Variants in CCSER1 observed in about 807,000 individuals in gnomAD.
The protein encoded by CCSER1 is serine-rich coiled-coil domain-containing protein 1.
In CCSER1, 41 loss-of-function variants were observed where a neutral mutation model predicts 82.0. That is an observed-to-expected ratio of 0.50 (90% CI 0.39 to 0.65). The LOEUF is 0.65. CCSER1 is among the 30% of genes least tolerant of loss of function. The probability of loss-of-function intolerance (pLI) is 0.00; values close to 1 mark genes in which losing one functional copy is unlikely to be tolerated. For missense variants in CCSER1, 1,119 were observed against 1,064.2 expected (o/e 1.05, Z -0.72); for synonymous variants, 414 against 383.9 (o/e 1.08, Z -0.92).
intron 10 of CCSER1, among the ~76,000 whole-genome samples, chr4:91,137,001 T>C (rs2148920125): frequency 8.7e-6 from 1 of 114,548 alleles, no homozygotes; most frequent in South Asian, 2.7e-4. Context: ...ATAGAAATGT[T>C]TATAAAAATT....
At chr4:91,173,334 C>G (rs1732960547) in intron 10 of CCSER1, among the ~76,000 whole-genome samples, 1 of 152,106 alleles carries the variant, frequency 6.6e-6, no homozygotes, top group Admixed American at 6.6e-5. Flanking sequence ...GTGGTTCACA[C>G]CGGTAATCCC....
rs890480559 is a variant in CCSER1 at position 90,176,680 on chromosome 4, A to G, written c.-42+48849A>G. The stretch of plus-strand genomic sequence containing the variant: ...TCTGAAGATTCCCAGAACCATTCCA[A>G]GTATTATTGATAGTGTGATAGGTCC... On this transcript the variant is annotated intron_variant, in intron 1 of 10. Transcript: ENST00000509176. 3.9e-5 allele frequency among the ~76,000 whole-genome samples: 6 copies of G among 152,040 alleles called. No individual in the cohort carries two copies. In the East Asian group the frequency reaches 7.7e-4, roughly 20 times the overall value.
intron 6 of CCSER1, among the ~76,000 whole-genome samples, chr4:90,684,156 C>A (rs1023995189): frequency 2.0e-5 from 3 of 152,008 alleles, no homozygotes; most frequent in African/African-American, 7.2e-5. Context: ...CAGTTTTATG[C>A]AATAACAGAT....
At chr4:90,202,399 T>C (rs1219148654) in intron 1 of CCSER1, among the ~76,000 whole-genome samples, 1 of 152,046 alleles carries the variant, frequency 6.6e-6, no homozygotes, top group African/African-American at 2.4e-5. Context: ...GATAGGGTTT[T>C]GCCGTGTTGT....
chr4:90,692,821 T>C (rs1736253326), intron 6 of CCSER1, among the ~76,000 whole-genome samples: 1 of 152,000 alleles, frequency 6.6e-6, no homozygotes, highest in South Asian at 2.1e-4. Flanking sequence ...TAAAAGAGTA[T>C]CAAATTAAAC....
chr4:91,426,239 A>G (rs2149388344), intron 10 of CCSER1, among the ~76,000 whole-genome samples: 1 of 152,324 alleles, frequency 6.6e-6, no homozygotes, highest in Admixed American at 6.5e-5. Context: ...ATGGCTGCAT[A>G]GTATTCCATG....
At chr4:91,082,811 T>G (rs1167531334) in intron 9 of CCSER1, among the ~76,000 whole-genome samples, 1 of 152,054 alleles carries the variant, frequency 6.6e-6, no homozygotes, top group East Asian at 1.9e-4. Context: ...CATGAAAAAA[T>G]GCTCATCATC....
chr4:90,535,888 T>G (rs1459999578), intron 5 of CCSER1, among the ~76,000 whole-genome samples: 2 of 152,134 alleles, frequency 1.3e-5, no homozygotes, highest in Non-Finnish European at 2.9e-5. Flanking sequence ...TTAATCACAT[T>G]AATTACAGTT....
In CCSER1 at chr4:91,598,573, C is replaced by T. The variant is rs754773944; in HGVS notation, c.2219C>T (p.Ala740Val). The change falls in exon 11 of 11, where the codon GCT becomes GTT. Residue 740 changes from alanine to valine, a missense_variant and splice_region_variant. Transcript: ENST00000509176. ...RLETVQGGRE[A>V]TYRNRIVSQN... is the part of the protein sequence containing the mutation. ...TTTTCTTTCTGTGTCTTACCATAGG[C>T]TACATATCGAAATCGAATTGTGAGC... 2.6e-6 allele frequency: 4 copies of T among 1,547,312 alleles called. No homozygotes were observed. In the South Asian group the frequency reaches 4.8e-5, roughly 18 times the overall value.
intron 10 of CCSER1, among the ~76,000 whole-genome samples, chr4:91,419,873 A>C (rs1753593954): frequency 6.6e-6 from 1 of 152,056 alleles, no homozygotes; most frequent in Admixed American, 6.6e-5. Flanking sequence ...ATGGTATAGA[A>C]TAGTGAGCCT....
intron 10 of CCSER1, among the ~76,000 whole-genome samples, chr4:91,426,594 A>G (rs1753995624): frequency 6.6e-6 from 1 of 152,168 alleles, no homozygotes; most frequent in Non-Finnish European, 1.5e-5. Context: ...CAGAATTTTA[A>G]AAAAACTTAG....
intron 8 of CCSER1, among the ~76,000 whole-genome samples, chr4:90,816,815 A>T (rs1759081629): frequency 1.3e-5 from 2 of 152,066 alleles, no homozygotes; most frequent in Non-Finnish European, 1.5e-5. Context: ...ACTTCTGAGG[A>T]CTCCTAACAT....
chr4:91,061,013 A>C (rs533760240), intron 9 of CCSER1, among the ~76,000 whole-genome samples: 1 of 152,086 alleles, frequency 6.6e-6, no homozygotes, highest in Non-Finnish European at 1.5e-5. Flanking sequence ...TAATACCTAC[A>C]TATATTTTTA....
chr4:90,746,068 A>G (rs1360768483), intron 7 of CCSER1, among the ~76,000 whole-genome samples: 3 of 152,072 alleles, frequency 2.0e-5, no homozygotes, highest in Admixed American at 2.0e-4. Flanking sequence ...TTAGTGCCCA[A>G]TTCAATGCCA....
chr4:91,357,173 C>T (rs1436758058), intron 10 of CCSER1, among the ~76,000 whole-genome samples: 1 of 152,068 alleles, frequency 6.6e-6, no homozygotes, highest in Non-Finnish European at 1.5e-5. Flanking sequence ...AGTTTTTAGA[C>T]CAAAGAAAGC....
At chr4:91,501,752 C>G (rs1759224064) in intron 10 of CCSER1, among the ~76,000 whole-genome samples, 2 of 152,004 alleles carry the variant, frequency 1.3e-5, no homozygotes, top group Non-Finnish European at 2.9e-5. Context: ...CAACAAGAAA[C>G]TACTAACTAA....
chr4:90,706,693 A>T (rs1739421169), intron 6 of CCSER1, among the ~76,000 whole-genome samples: 1 of 152,204 alleles, frequency 6.6e-6, no homozygotes, highest in Admixed American at 6.5e-5. Flanking sequence ...TAAAGTTTAG[A>T]ACATATGCTA....
chr4:90,949,044 G>A (rs1732598434), intron 9 of CCSER1, among the ~76,000 whole-genome samples: 1 of 152,028 alleles, frequency 6.6e-6, no homozygotes. Context: ...CACAATTAGA[G>A]ATCACCTTTC....
chr4:91,423,233 G>T (rs6841098), intron 10 of CCSER1, among the ~76,000 whole-genome samples: 1 of 150,914 alleles, frequency 6.6e-6, no homozygotes, highest in African/African-American at 2.4e-5. Context: ...CAAGACCAGC[G>T]TGGCCAACAT....
Sources: allele counts gnomAD v4.1 joint callset (sites outside exome capture counted in the v4.1 genomes callset), GRCh38; gene constraint gnomAD v4.1.1; transcripts MANE v1.5; gene names NCBI Gene and HGNC (gene_info 2026-07-23, HGNC 2026-07-21).